Variants in DLG5 observed in about 807,000 individuals in gnomAD.
DLG5 encodes the protein disks large homolog 5.
A neutral mutation model predicts 189.8 loss-of-function variants in DLG5; 48 were observed. The ratio of observed to expected loss-of-function variants is 0.25; its 90% CI spans 0.20 to 0.32. DLG5 has a LOEUF of 0.32. DLG5 is among the 10% of genes least tolerant of loss of function. The pLI is 1.00. For synonymous variants in DLG5, 1,016 were observed against 1,054.1 expected (o/e 0.96, Z 0.70); for missense variants, 2,160 against 2,544.7 (o/e 0.85, Z 3.25).
chr10:77,904,857 G>A (rs186141487), intron 1 of DLG5, among the ~76,000 whole-genome samples: 2,060 of 149,518 alleles, frequency 0.014, 25 homozygotes, highest in Non-Finnish European at 0.019. Flanking sequence ...GGCCGGGCGC[G>A]GTGGCTCAGG....
At position 77,868,468 on chromosome 10, in the gene DLG5, C is replaced by T. The variant is rs571354401; in HGVS notation, c.373+661G>A. 48 of 294,416 alleles carry T rather than the reference C, an allele frequency of 1.6e-4. 1 individual carries two copies. The East Asian group carries it at 4.2e-3, about 26-fold the overall frequency. The allele number at this position is 294,416 out of a possible 1,614,324, so 18.2% of individuals were successfully genotyped here. On this transcript the variant is annotated intron_variant, in intron 2 of 31. Coordinates refer to ENST00000372391, the MANE Select transcript of DLG5 (RefSeq NM_004747.4). ...CTCCCCCTCCCAGAATGTCAATTTC[C>T]CCATCTCTCTGCAGAGGGAAAAGAA...
chr10:77,892,606 A>G (rs1052204267), intron 1 of DLG5, among the ~76,000 whole-genome samples: 4 of 152,086 alleles, frequency 2.6e-5, no homozygotes, highest in African/African-American at 9.7e-5. Flanking sequence ...TGGACACTGC[A>G]CCTGTGTACT....
chr10:77,916,906 T>A lies in DLG5; in HGVS notation c.304+9311A>T, dbSNP rs552326395. Among the ~76,000 whole-genome samples, 3 of 117,476 alleles carry A rather than the reference T, an allele frequency of 2.6e-5. No individual in the cohort carries two copies. The South Asian group carries it at 6.8e-4, about 27-fold the overall frequency. 77.1% of individuals were successfully genotyped at this position (117,476 alleles called of 152,430 possible). On this transcript the variant is annotated intron_variant, in intron 1 of 31. Coordinates refer to ENST00000372391, the MANE Select transcript of DLG5 (RefSeq NM_004747.4). ...GTAAAGAAACAAATAAAATATAGAA[T>A]ATATATATATATATATATATGAATA...
intron 2 of DLG5, among the ~76,000 whole-genome samples, chr10:77,861,537 T>C (rs1844472038): frequency 2.6e-5 from 4 of 152,184 alleles, no homozygotes; most frequent in Admixed American, 2.6e-4. Context: ...TCCAGACGTC[T>C]CAGTCTACAG....
Position 77,843,637 on chromosome 10 carries a change from C to T in DLG5, c.934G>A (p.Val312Met). 6.2e-7 allele frequency: 1 copy of T among 1,613,798 alleles called. No homozygotes were observed. The highest frequency in any genetic ancestry group is 8.5e-7 in the Non-Finnish European group (1 of 1,180,008). The change falls in exon 6 of 32, where the codon GTG becomes ATG. Residue 312 changes from valine to methionine, a missense_variant. Around this residue, in one of 5 missense-constraint regions of DLG5, gnomAD observed 664 missense variants for 838.5 expected, o/e 0.79. Coordinates refer to ENST00000372391, the MANE Select transcript of DLG5 (RefSeq NM_004747.4). Reference protein sequence around the residue: ...LYDTAMDKLEVVKKDYDALRK... With the variant: ...LYDTAMDKLEMVKKDYDALRK... Reference sequence around the variant, plus strand: ...AGGGCGTCATAGTCCTTCTTGACCACCTCCAACTTGTCCATGGCCGTGTCA... The same window carrying T: ...AGGGCGTCATAGTCCTTCTTGACCATCTCCAACTTGTCCATGGCCGTGTCA...
chr10:77,870,408 C>A, intron 1 of DLG5, among the ~76,000 whole-genome samples: 1 of 152,202 alleles, frequency 6.6e-6, no homozygotes, highest in Non-Finnish European at 1.5e-5. Context: ...CCCAGCAGGG[C>A]ACGGTGGCTC....
At chr10:77,919,584 C>CTTTTT (rs71030919) in intron 1 of DLG5, among the ~76,000 whole-genome samples, 2 of 67,734 alleles carry the variant, frequency 3.0e-5, no homozygotes, top group African/African-American at 4.8e-5. Flanking sequence ...CAGTTCAGGG[C>CTTTTT]TTTTTTTTTT....
At chr10:77,891,575 C>CAG (rs1477343951) in intron 1 of DLG5, among the ~76,000 whole-genome samples, 9 of 20,728 alleles carry the variant, frequency 4.3e-4, no homozygotes, top group Non-Finnish European at 8.3e-4. Flanking sequence ...CCCCAACAGA[C>CAG]ACACACACAC....
At chr10:77,839,016 C>G (rs185484839) in intron 7 of DLG5, among the ~76,000 whole-genome samples, 1 of 152,244 alleles carries the variant, frequency 6.6e-6, no homozygotes. Context: ...GTCAACACCC[C>G]CTGTGGAGGA....
intron 2 of DLG5, among the ~76,000 whole-genome samples, chr10:77,858,470 A>G (rs1324273431): frequency 6.6e-6 from 1 of 152,048 alleles, no homozygotes; most frequent in Non-Finnish European, 1.5e-5. Context: ...CCCCGTCTCT[A>G]GCAAAAAATA....
At chr10:77,886,520 AT>A (rs1478134432) in intron 1 of DLG5, among the ~76,000 whole-genome samples, 1 of 151,826 alleles carries the variant, frequency 6.6e-6, no homozygotes, top group South Asian at 2.1e-4. Flanking sequence ...GGCCTGGCTA[AT>A]TTTTTGTATT....
chr10:77,827,072 C>G (rs1307760989), intron 13 of DLG5, among the ~76,000 whole-genome samples: 1 of 152,086 alleles, frequency 6.6e-6, no homozygotes, highest in African/African-American at 2.4e-5. Context: ...GTGTCTGGGA[C>G]ATAATATAAT....
intron 1 of DLG5, among the ~76,000 whole-genome samples, chr10:77,923,925 C>T (rs1489702100): frequency 1.3e-5 from 2 of 152,072 alleles, no homozygotes; most frequent in Admixed American, 6.5e-5. Context: ...AATCCAAGGG[C>T]ACCATGTCAA....
intron 2 of DLG5, among the ~76,000 whole-genome samples, chr10:77,861,383 A>C (rs1227366042): frequency 3.3e-5 from 5 of 152,228 alleles, no homozygotes; most frequent in African/African-American, 1.2e-4. Context: ...TGGGGAGACA[A>C]GAAATTTTGA....
At chr10:77,819,251 A>G (rs2154575548) in intron 17 of DLG5, 70 bp downstream of exon 17, 6 of 1,608,354 alleles carry the variant, frequency 3.7e-6, no homozygotes, top group Non-Finnish European at 5.1e-6. Flanking sequence ...CTCTTTATGC[A>G]CTCATGGTTC....
At chr10:77,896,298 T>TA (rs1845756816) in intron 1 of DLG5, among the ~76,000 whole-genome samples, 2 of 152,184 alleles carry the variant, frequency 1.3e-5, no homozygotes, top group South Asian at 2.1e-4. Context: ...CCTAGATTTT[T>TA]AAAAAATCTA....
chr10:77,806,718 A>ACCGCCCCC, intron 26 of DLG5, 40 bp downstream of exon 26: 3 of 1,333,650 alleles, frequency 2.2e-6, no homozygotes, highest in Non-Finnish European at 3.2e-6. Flanking sequence ...GCCCTCGGCG[A>ACCGCCCCC]CCCCTGCCCC....
chr10:77,814,505 A>ATATATATATCTC (rs36102159), intron 20 of DLG5, among the ~76,000 whole-genome samples: 1 of 110,256 alleles, frequency 9.1e-6, no homozygotes, highest in Non-Finnish European at 1.8e-5. Context: ...ATATATATAT[A>ATATATATATCTC]TCCAAAGGGT....
At chr10:77,866,431 G>A (rs748440527) in intron 2 of DLG5, among the ~76,000 whole-genome samples, 2 of 152,142 alleles carry the variant, frequency 1.3e-5, no homozygotes, top group Non-Finnish European at 2.9e-5. Context: ...GCACAAACAA[G>A]CAGCCAACTG....
Sources: gnomAD v4.1 joint callset for allele counts (sites outside exome capture counted in the v4.1 genomes callset) on GRCh38, gnomAD v4.1.1 for gene constraint, gnomAD v4.1.1 regional missense constraint, MANE v1.5 for transcripts, NCBI Gene and HGNC (gene_info 2026-07-23, HGNC 2026-07-21) for gene names.